CSGALNACT1: variants seen among roughly 807,000 people sequenced by gnomAD.
CSGALNACT1 encodes chondroitin sulfate N-acetylgalactosaminyltransferase 1.
A neutral mutation model predicts 51.0 loss-of-function variants in CSGALNACT1; 52 were observed. That is an observed-to-expected ratio of 1.02 (90% CI 0.82 to 1.29). CSGALNACT1 has a LOEUF of 1.29. CSGALNACT1 is among the 50% of genes most tolerant of loss of function. CSGALNACT1 has a pLI of 0.00. For synonymous variants in CSGALNACT1, 341 were observed against 254.4 expected (o/e 1.34, Z -3.24); for missense variants, 935 against 679.2 (o/e 1.38, Z -4.19).
chr8:19,658,010 T>C lies in CSGALNACT1; in HGVS notation c.-544+24463A>G, dbSNP rs117785307. Among the ~76,000 whole-genome samples the C allele has an allele frequency of 1.6e-4, 21 of 129,882 alleles. No individual in the cohort carries two copies. The East Asian group carries it at 3.3e-3, about 20-fold the overall frequency. 85.2% of individuals were successfully genotyped at this position (129,882 alleles called of 152,430 possible). On this transcript the variant is annotated intron_variant, in intron 1 of 9. Transcript: ENST00000332246. ...AATCATTATTCAGGCAGAATAGTGA[T>C]AGAATAATTAATTACTCTAGACTGA... is the stretch of plus-strand genomic sequence containing the variant.
intron 3 of CSGALNACT1, among the ~76,000 whole-genome samples, chr8:19,527,108 T>C (rs754376218): frequency 6.6e-6 from 1 of 152,134 alleles, no homozygotes; most frequent in Non-Finnish European, 1.5e-5. Context: ...TTCTTGACCT[T>C]AAGGAGTTTG....
At chr8:19,447,054 T>C (rs778975587) in intron 5 of CSGALNACT1, among the ~76,000 whole-genome samples, 1 of 152,174 alleles carries the variant, frequency 6.6e-6, no homozygotes. Flanking sequence ...TTCATGGTCT[T>C]TGAGTTCTGT....
chr8:19,475,227 T>C (rs1429605264), intron 4 of CSGALNACT1, among the ~76,000 whole-genome samples: 2 of 151,978 alleles, frequency 1.3e-5, no homozygotes, highest in African/African-American at 4.8e-5. Context: ...ATCAGAAAAA[T>C]GCAGAAGCCG....
chr8:19,413,714 C>G (rs1326155649), intron 8 of CSGALNACT1, among the ~76,000 whole-genome samples: 1 of 152,154 alleles, frequency 6.6e-6, no homozygotes. Flanking sequence ...ACACACTGAA[C>G]AGTATCACAA....
intron 1 of CSGALNACT1, among the ~76,000 whole-genome samples, chr8:19,693,671 G>C (rs1440554152): frequency 6.6e-6 from 1 of 151,986 alleles, no homozygotes; most frequent in Non-Finnish European, 1.5e-5. Context: ...TTACCTGTTT[G>C]TGATCAACCA....
intron 4 of CSGALNACT1, among the ~76,000 whole-genome samples, chr8:19,475,384 T>C (rs1258971189): frequency 7.2e-5 from 11 of 152,298 alleles, no homozygotes; most frequent in Admixed American, 5.2e-4. Flanking sequence ...GTTTGGTGGT[T>C]TGCTTCTATG....
At chr8:19,580,179 G>A (rs1165923753) in intron 3 of CSGALNACT1, among the ~76,000 whole-genome samples, 1 of 152,186 alleles carries the variant, frequency 6.6e-6, no homozygotes, top group Non-Finnish European at 1.5e-5. Flanking sequence ...ATGAAATCTA[G>A]GACTTCCAAT....
Position 19,455,042 on chromosome 8 carries a change from T to A in CSGALNACT1, c.851+3384A>T, listed in dbSNP as rs377091984. 1.9e-4 allele frequency among the ~76,000 whole-genome samples: 29 copies of A among 152,338 alleles called. 1 individual carries two copies. The highest frequency in any genetic ancestry group is 1.7e-3 in the East Asian group (9 of 5,184). On this transcript the variant is annotated intron_variant, in intron 5 of 9. Transcript: ENST00000454498. Reference sequence around the variant, plus strand: ...TCCCAGCTGGCAAGCAATTCTTCTATCTGCAGATATGCAAAGAAAATTGCC... The same window carrying A: ...TCCCAGCTGGCAAGCAATTCTTCTAACTGCAGATATGCAAAGAAAATTGCC...
chr8:19,585,171 C>T (rs2046359536), intron 3 of CSGALNACT1: 1 of 152,222 alleles, frequency 6.6e-6, no homozygotes, highest in Admixed American at 6.5e-5. Context: ...CTCACCTTTC[C>T]TTTCTTCTGG....
intron 3 of CSGALNACT1, among the ~76,000 whole-genome samples, chr8:19,566,452 C>A (rs1048088772): frequency 2.0e-5 from 3 of 151,956 alleles, no homozygotes; most frequent in African/African-American, 7.3e-5. Flanking sequence ...AGCTTAAAAG[C>A]CTTATGTTTA....
intron 1 of CSGALNACT1, among the ~76,000 whole-genome samples, chr8:19,696,102 A>G (rs779943732): frequency 6.6e-6 from 1 of 152,248 alleles, no homozygotes; most frequent in Non-Finnish European, 1.5e-5. Flanking sequence ...CAAATTGGAT[A>G]GGCAGGAATG....
chr8:19,694,542 C>T (rs1031099190), intron 1 of CSGALNACT1, among the ~76,000 whole-genome samples: 6 of 152,240 alleles, frequency 3.9e-5, no homozygotes, highest in African/African-American at 1.4e-4. Flanking sequence ...GACTGGCAAA[C>T]GCCATGGCTT....
intron 1 of CSGALNACT1, among the ~76,000 whole-genome samples, chr8:19,661,496 G>C (rs146165432): frequency 1.3e-5 from 2 of 152,230 alleles, no homozygotes; most frequent in East Asian, 3.8e-4. Context: ...GCTTGTATGA[G>C]GGTTGGTATT....
At chr8:19,721,766 T>G (rs1415075232) in intron 1 of CSGALNACT1, among the ~76,000 whole-genome samples, 1 of 152,240 alleles carries the variant, frequency 6.6e-6, no homozygotes, top group Non-Finnish European at 1.5e-5. Flanking sequence ...TTATGCCTAA[T>G]GAACTGCACG....
chr8:19,741,244 G>C (rs2064294309), intron 1 of CSGALNACT1, among the ~76,000 whole-genome samples: 2 of 152,158 alleles, frequency 1.3e-5, no homozygotes, highest in Admixed American at 1.3e-4. Context: ...CCTATAGTAG[G>C]AAAAGTCTGC....
upstream of CSGALNACT1, among the ~76,000 whole-genome samples, chr8:19,685,044 G>A (rs2060895344): frequency 6.6e-6 from 1 of 152,054 alleles, no homozygotes; most frequent in Non-Finnish European, 1.5e-5. Context: ...TTTGTAACAG[G>A]TGCATTTATG....
intron 3 of CSGALNACT1, among the ~76,000 whole-genome samples, chr8:19,534,686 C>T (rs1022187599): frequency 1.5e-4 from 23 of 151,958 alleles, no homozygotes; most frequent in African/African-American, 3.6e-4. Context: ...GAATCAGAAA[C>T]GAGAAAGCCC....
chr8:19,478,717 C>T (rs557232961), intron 4 of CSGALNACT1, among the ~76,000 whole-genome samples: 3 of 152,294 alleles, frequency 2.0e-5, no homozygotes, highest in African/African-American at 7.2e-5. Context: ...CCCCCTTTCT[C>T]CACTGCTGAA....
In CSGALNACT1 at chr8:19,554,887, C is replaced by A. The variant is rs2089308044; in HGVS notation, c.-297+36273G>T. 2.6e-5 allele frequency among the ~76,000 whole-genome samples: 4 copies of A among 152,152 alleles called. No individual in the cohort carries two copies. In the South Asian group the frequency reaches 8.3e-4, roughly 32 times the overall value. ...GAGCCAAGATCCCGCCACTGCATTG[C>A]AGCCTGGGTGACAGAGGGAGACTCT... On this transcript the variant is annotated intron_variant, in intron 3 of 9. Coordinates refer to ENST00000454498, the Ensembl canonical transcript of CSGALNACT1.
Sources: allele counts gnomAD v4.1 joint callset (sites outside exome capture counted in the v4.1 genomes callset), GRCh38; gene constraint gnomAD v4.1.1; transcripts MANE v1.5; gene names NCBI Gene and HGNC (gene_info 2026-07-23, HGNC 2026-07-21).